OR6C2: variants seen among roughly 807,000 people sequenced by gnomAD.
OR6C2 encodes olfactory receptor 6C2.
For synonymous variants in OR6C2, 146 were observed against 134.2 expected, an observed-to-expected ratio of 1.09 and a Z score of -0.61; for missense variants, 435 against 365.8, an observed-to-expected ratio of 1.19 and a Z score of -1.54.
At chr12:55,446,330 G>A (rs549269434) in intron 1 of OR6C2, among the ~76,000 whole-genome samples, 122 of 152,082 alleles carry the variant, frequency 8.0e-4, no homozygotes, top group Non-Finnish European at 1.6e-3. Flanking sequence ...TGTATTTTTA[G>A]TAGAGATGGG....
chr12:55,453,165 A>T lies in OR6C2; in HGVS notation c.*13A>T. 1 of 1,593,122 alleles carries T rather than the reference A, an allele frequency of 6.3e-7. No individual in the cohort carries two copies. Among genetic ancestry groups the T allele is most frequent in the Non-Finnish European group, 8.6e-7 (1 of 1,163,976 alleles). Reference sequence around the variant, plus strand: ...CTCAAAGAAGTAGAAGCTGTGATGAATTGGCATAAAGTGAATGAAGAAGGC... The same window carrying T: ...CTCAAAGAAGTAGAAGCTGTGATGATTTGGCATAAAGTGAATGAAGAAGGC... On this transcript the variant is annotated 3_prime_UTR_variant, in exon 2 of 2. Transcript: ENST00000641202.
chr12:55,446,798 G>GA (rs1282327369), intron 1 of OR6C2, among the ~76,000 whole-genome samples: 7 of 150,906 alleles, frequency 4.6e-5, no homozygotes, highest in Admixed American at 6.6e-5. Flanking sequence ...TATAAAGACT[G>GA]AAAAAAAAAT....
At position 55,453,003 on chromosome 12, in the gene OR6C2, G is replaced by T. The variant is rs1871520742; in HGVS notation, c.790G>T (p.Asp264Tyr). ...IFIYIKPSAK[D>Y]EVAINKGVSV... ...CATCTATATCAAGCCCTCTGCAAAA[G>T]ATGAGGTGGCCATAAATAAAGGAGT... is the stretch of plus-strand genomic sequence containing the variant. Residue 264 changes from aspartate (D) to tyrosine (Y), a missense_variant, in exon 2 of 2, where the codon GAT becomes TAT. Coordinates refer to ENST00000641202, the MANE Select transcript of OR6C2 (RefSeq NM_054105.2). 2 of 1,613,530 alleles carry T rather than the reference G, an allele frequency of 1.2e-6. No individual in the cohort carries two copies. The highest frequency in any genetic ancestry group is 3.3e-5 in the Admixed American group (2 of 59,904).
In OR6C2 at chr12:55,453,255, T is replaced by A; in HGVS notation, c.*103T>A. On this transcript the variant is annotated 3_prime_UTR_variant, in exon 2 of 2. Coordinates refer to ENST00000641202, the MANE Select transcript of OR6C2 (RefSeq NM_054105.2). ...GCTTCCTGACTACAGTTTAGTCATG[T>A]GAACCTTCTCAATGACATTTAATAT... 1.3e-6 allele frequency: 1 copy of A among 765,360 alleles called. No homozygotes were observed. Among genetic ancestry groups the A allele is most frequent in the Non-Finnish European group, 2.1e-6 (1 of 474,008 alleles). 47.4% of individuals were successfully genotyped at this position (765,360 alleles called of 1,614,324 possible).
intron 1 of OR6C2, among the ~76,000 whole-genome samples, chr12:55,448,553 C>A (rs1592297379): frequency 2.7e-5 from 3 of 111,560 alleles, no homozygotes; most frequent in African/African-American, 1.0e-4. Context: ...CCAAAAAAGA[C>A]AGGATTAAAA....
chr12:55,447,047 A>G (rs1234682123), intron 1 of OR6C2, among the ~76,000 whole-genome samples: 1 of 152,198 alleles, frequency 6.6e-6, no homozygotes, highest in Non-Finnish European at 1.5e-5. Context: ...GTCTATTCAC[A>G]AGGAACTTAG....
chr12:55,448,359 G>A (rs560955414), intron 1 of OR6C2, among the ~76,000 whole-genome samples: 1 of 150,912 alleles, frequency 6.6e-6, no homozygotes, highest in South Asian at 2.1e-4. Context: ...GAAAATATAA[G>A]GATGAGTGAA....
Position 55,452,510 on chromosome 12 carries a change from A to G in OR6C2, c.297A>G (p.Ile99Met). 1.9e-6 allele frequency: 3 copies of G among 1,613,924 alleles called. No homozygotes were observed. The highest frequency in any genetic ancestry group is 1.7e-6 in the Non-Finnish European group (2 of 1,179,860). Residue 99 changes from isoleucine (I) to methionine (M), a missense_variant, in exon 2 of 2, where the codon ATA becomes ATG. Transcript: ENST00000641202. Reference protein sequence around the residue: ...TITYNACASQIFFVILFGATE... With the variant: ...TITYNACASQMFFVILFGATE... ...CCTACAATGCTTGTGCCAGTCAAAT[A>G]TTCTTTGTTATTCTCTTTGGAGCAA...
At chr12:55,445,576 T>C (rs1871347879) in intron 1 of OR6C2, among the ~76,000 whole-genome samples, 1 of 152,174 alleles carries the variant, frequency 6.6e-6, no homozygotes, top group African/African-American at 2.4e-5. Context: ...TAATGCAGGC[T>C]AAGGACTGGA....
At position 55,452,689 on chromosome 12, in the gene OR6C2, G is replaced by A. The variant is rs776335106; in HGVS notation, c.476G>A (p.Ser159Asn). 6.2e-7 allele frequency: 1 copy of A among 1,613,720 alleles called. No individual in the cohort carries two copies. Among genetic ancestry groups the A allele is most frequent in the Non-Finnish European group, 8.5e-7 (1 of 1,179,812 alleles). Residue 159 changes from serine (S) to asparagine (N), a missense_variant, in exon 2 of 2, where the codon AGC becomes AAC. Ser to Asn is a conservative substitution (Grantham distance 46, BLOSUM62 1). Transcript: ENST00000641202. The part of the protein sequence containing the change: ...AGLMIIVPPL[S>N]LGLQLEFCDS... ...TTGATGATCATTGTTCCACCACTTA[G>A]CTTAGGCCTCCAGCTCGAATTCTGT... is the stretch of plus-strand genomic sequence containing the variant.
At position 55,451,341 on chromosome 12, in the gene OR6C2, C is replaced by T. The variant is rs754032344; in HGVS notation, c.-873C>T. 1 of 152,052 alleles carries T rather than the reference C, an allele frequency of 6.6e-6. No individual in the cohort carries two copies. The highest frequency in any genetic ancestry group is 6.6e-5 in the Admixed American group (1 of 15,234). The allele number at this position is 152,052 out of a possible 1,614,324, so 9.4% of individuals were successfully genotyped here. On this transcript the variant is annotated 5_prime_UTR_variant, in exon 2 of 2. Transcript: ENST00000641202. The stretch of plus-strand genomic sequence containing the variant: ...ATACTTCCCAGCCTCTGGTAAACAT[C>T]CTTCTACTCTCTATGTCTATGAGTT...
In OR6C2 at chr12:55,452,205, A is replaced by G; in HGVS notation, c.-9A>G. On this transcript the variant is annotated 5_prime_UTR_variant, in exon 2 of 2. Transcript: ENST00000641202. The stretch of plus-strand genomic sequence containing the variant: ...TAAAGGAGGATTGGGTAGATATCAA[A>G]GAACAGTGATGAAAAACCACACAGT... 6.5e-7 allele frequency: 1 copy of G among 1,529,028 alleles called. No individual in the cohort carries two copies. 94.7% of individuals were successfully genotyped at this position (1,529,028 alleles called of 1,614,324 possible).
intron 1 of OR6C2, among the ~76,000 whole-genome samples, chr12:55,446,320 T>A (rs1871361133): frequency 6.6e-6 from 1 of 152,108 alleles, no homozygotes; most frequent in Non-Finnish European, 1.5e-5. Context: ...CGGCTAATTT[T>A]GTATTTTTAG....
chr12:55,445,357 A>G lies in OR6C2; in HGVS notation c.-888+1198A>G, dbSNP rs142969592. The stretch of plus-strand genomic sequence containing the variant: ...ATTTTATGAAGCACATGTCCATAAG[A>G]GTAAGGAATTCATTTTCCCAGGCCC... On this transcript the variant is annotated intron_variant, in intron 1 of 1. Transcript: ENST00000641202. Among the ~76,000 whole-genome samples the G allele has an allele frequency of 9.8e-5, 15 of 152,286 alleles. No homozygotes were observed. In the East Asian group the frequency reaches 2.9e-3, roughly 29 times the overall value.
Position 55,451,876 on chromosome 12 carries a change from A to C in OR6C2, c.-338A>C. On this transcript the variant is annotated 5_prime_UTR_variant, in exon 2 of 2. Transcript: ENST00000641202. Reference sequence around the variant, plus strand: ...AAAATGTTTAAGTACCTATAAAATGACATCATTTCTTTCTAACCCATTTGT... The same window carrying C: ...AAAATGTTTAAGTACCTATAAAATGCCATCATTTCTTTCTAACCCATTTGT... The C allele has an allele frequency of 4.8e-6, 1 of 206,354 alleles. No individual in the cohort carries two copies. The highest frequency in any genetic ancestry group is 1.6e-4 in the South Asian group (1 of 6,206). 12.8% of individuals were successfully genotyped at this position (206,354 alleles called of 1,614,324 possible).
intron 1 of OR6C2, among the ~76,000 whole-genome samples, chr12:55,448,954 A>T (rs1056226204): frequency 3.3e-5 from 5 of 151,884 alleles, no homozygotes; most frequent in Admixed American, 6.6e-5. Flanking sequence ...AACACTCCTC[A>T]CTGAGGTTGG....
chr12:55,451,009 G>A lies in OR6C2; in HGVS notation c.-887-318G>A, dbSNP rs193137572. On this transcript the variant is annotated intron_variant, in intron 1 of 1. Coordinates refer to ENST00000641202, the MANE Select transcript of OR6C2 (RefSeq NM_054105.2). ...TTGAGTAGGGGTGAGATGAGGAGACGTTAATGTCTTTTTAAATTTTTTTTA... is the reference window on the plus strand; with the variant it reads ...TTGAGTAGGGGTGAGATGAGGAGACATTAATGTCTTTTTAAATTTTTTTTA... Among the ~76,000 whole-genome samples the A allele has an allele frequency of 3.5e-3, 531 of 151,808 alleles. 11 individuals are homozygous for A. In the South Asian group the frequency reaches 0.05, roughly 14 times the overall value.
rs373013873 is a variant in OR6C2 at position 55,447,776 on chromosome 12, T to C, written c.-887-3551T>C. Among the ~76,000 whole-genome samples, 21 of 152,290 alleles carry C rather than the reference T, an allele frequency of 1.4e-4. No individual in the cohort carries two copies. In the South Asian group the frequency reaches 3.3e-3, roughly 24 times the overall value. ...TTGGGTTGTTTCCATATCTTGGTTA[T>C]TGTGAATAATGCTCAATATTTAAGA... On this transcript the variant is annotated intron_variant, in intron 1 of 1. Transcript: ENST00000641202.
At chr12:55,445,164 T>C (rs1476496221) in intron 1 of OR6C2, among the ~76,000 whole-genome samples, 1 of 152,222 alleles carries the variant, frequency 6.6e-6, no homozygotes, top group African/African-American at 2.4e-5. Flanking sequence ...TGTGACAAGC[T>C]GACTGTGTCT....
Sources: allele counts gnomAD v4.1 joint callset (sites outside exome capture counted in the v4.1 genomes callset), GRCh38; gene constraint gnomAD v4.1.1; transcripts MANE v1.5; gene names NCBI Gene and HGNC (gene_info 2026-07-23, HGNC 2026-07-21).